The following CYTH4 variants were observed in gnomAD, a reference collection of about 807,000 sequenced individuals.
CYTH4 encodes the protein cytohesin 4.
In CYTH4, 22 loss-of-function variants were observed where a neutral mutation model predicts 57.5. The observed-to-expected ratio is 0.38, with a 90% CI of 0.27 to 0.55. The LOEUF is 0.55. Among genes scored for constraint, CYTH4 ranks in the 20% least tolerant of loss-of-function variants. CYTH4 has a pLI of 0.74. For missense variants in CYTH4, 420 were observed against 535.6 expected, an observed-to-expected ratio of 0.78 and a Z score of 2.13; for synonymous variants, 186 against 206.5, an observed-to-expected ratio of 0.90 and a Z score of 0.85.
chr22:37,283,545 A>C (rs6000650), intron 1 of CYTH4, among the ~76,000 whole-genome samples: 105,677 of 150,904 alleles, frequency 0.7, 37,659 homozygotes, highest in African/African-American at 0.85. Context: ...GGCCCCGCCC[A>C]CTGGGCATCC....
At chr22:37,284,841 G>T (rs1351882418) in intron 1 of CYTH4, among the ~76,000 whole-genome samples, 1 of 152,222 alleles carries the variant, frequency 6.6e-6, no homozygotes, top group Non-Finnish European at 1.5e-5. Flanking sequence ...CCGGGAAGGT[G>T]AGAGGGCCAG....
rs1928933941 is a variant in CYTH4 at position 37,295,666 on chromosome 22, G to A, written c.168-333G>A. On this transcript the variant is annotated intron_variant, in intron 3 of 12. Transcript: ENST00000248901. The surrounding 1 kb of genome is among the most constrained non-coding windows in gnomAD (Gnocchi z 4.1). Reference sequence around the variant, plus strand: ...GCCCGGCTCAGATTCGCATCCAGGAGCCTGGCTCCAGCACCTGCGTGCTCA... The same window carrying A: ...GCCCGGCTCAGATTCGCATCCAGGAACCTGGCTCCAGCACCTGCGTGCTCA... Among the ~76,000 whole-genome samples the A allele has an allele frequency of 6.6e-6, 1 of 152,208 alleles. No individual in the cohort carries two copies. The highest frequency in any genetic ancestry group is 2.4e-5 in the African/African-American group (1 of 41,462).
intron 7 of CYTH4, among the ~76,000 whole-genome samples, chr22:37,302,883 C>A (rs533711338): frequency 2.0e-5 from 3 of 152,068 alleles, no homozygotes; most frequent in South Asian, 2.1e-4. Flanking sequence ...CTCCGAGTTC[C>A]GAGAGGCAGA....
intron 1 of CYTH4, among the ~76,000 whole-genome samples, chr22:37,285,977 G>C (rs1928543636): frequency 6.6e-6 from 1 of 152,116 alleles, no homozygotes; most frequent in Admixed American, 6.5e-5. Context: ...TTGTCAACCA[G>C]AAGGGAGTAT....
chr22:37,308,062 C>A (rs1929465568), intron 8 of CYTH4, among the ~76,000 whole-genome samples: 1 of 152,232 alleles, frequency 6.6e-6, no homozygotes, highest in Non-Finnish European at 1.5e-5. Context: ...CCACCCCGGC[C>A]CATCCAGCAT....
chr22:37,305,215 T>A (rs2145867020), intron 8 of CYTH4, among the ~76,000 whole-genome samples: 1 of 152,290 alleles, frequency 6.6e-6, no homozygotes, highest in South Asian at 2.1e-4. Context: ...TCCTTAGCTG[T>A]TTTTCCCAAT....
At chr22:37,310,859 T>G in intron 9 of CYTH4, 129 bp from the exon 10 acceptor site, 1 of 838,414 alleles carries the variant, frequency 1.2e-6, no homozygotes, top group Non-Finnish European at 1.9e-6. Flanking sequence ...GGGGGAGGTG[T>G]GGTGGACGAA....
At chr22:37,296,145 C>T (rs977425674) in intron 4 of CYTH4, 80 bp downstream of exon 4, 24 of 1,381,158 alleles carry the variant, frequency 1.7e-5, no homozygotes, top group East Asian at 2.5e-5. Context: ...TCGCTCCCCT[C>T]GGCTGACACG....
chr22:37,304,392 C>A, intron 8 of CYTH4: 2 of 403,040 alleles, frequency 5.0e-6, no homozygotes, highest in South Asian at 1.7e-5. Context: ...CCACAGGGAG[C>A]CAGGGGGTAT....
intron 4 of CYTH4, 122 bp downstream of exon 4, chr22:37,296,187 C>A (rs1225046022): frequency 1.9e-6 from 2 of 1,053,448 alleles, no homozygotes; most frequent in South Asian, 1.6e-5. Flanking sequence ...CTGTGCCCAG[C>A]AGAGCTGAGC....
chr22:37,292,507 C>T, intron 1 of CYTH4, 114 bp from the exon 2 acceptor site: 1 of 1,029,956 alleles, frequency 9.7e-7, no homozygotes, highest in Non-Finnish European at 1.5e-6. Flanking sequence ...GGAGGTGGGC[C>T]TCTGTGAATA....
chr22:37,310,512 C>T (rs79230873), intron 9 of CYTH4, among the ~76,000 whole-genome samples: 1 of 152,244 alleles, frequency 6.6e-6, no homozygotes, highest in Admixed American at 6.5e-5. Flanking sequence ...GGCGATTTTA[C>T]CTCTCCATGA....
Position 37,312,028 on chromosome 22 carries a change from G to A in CYTH4, c.966G>A (p.Leu322=), listed in dbSNP as rs1929660956. Residue 322 remains leucine, a synonymous_variant, in exon 12 of 13, where the codon CTG becomes CTA. Transcript: ENST00000248901. ...KVDDPKKPFC[L]ELYNPSCRGQ... The stretch of plus-strand genomic sequence containing the variant: ...TGGCCACCTCCCCACAGTTCTGCCT[G>A]GAGCTCTACAACCCTAGCTGCCGAG... 2 of 1,613,904 alleles carry A rather than the reference G, an allele frequency of 1.2e-6. No homozygotes were observed. Among genetic ancestry groups the A allele is most frequent in the Admixed American group, 1.7e-5 (1 of 60,014 alleles).
chr22:37,299,110 A>G (rs1171002816), intron 5 of CYTH4, 116 bp from the exon 6 acceptor site: 7 of 730,890 alleles, frequency 9.6e-6, no homozygotes, highest in Non-Finnish European at 1.5e-5. Flanking sequence ...TGGCAGCTGG[A>G]CCCCAGAAGG....
Position 37,309,241 on chromosome 22 carries a change from A to G in CYTH4, c.726A>G (p.Pro242=). 6.2e-7 allele frequency: 1 copy of G among 1,614,084 alleles called. No individual in the cohort carries two copies. Among genetic ancestry groups the G allele is most frequent in the South Asian group, 1.1e-5 (1 of 91,076 alleles). The change falls in exon 9 of 13, where the codon CCA becomes CCG. Residue 242 remains proline (P), a synonymous_variant. Coordinates refer to ENST00000248901, the MANE Select transcript of CYTH4 (RefSeq NM_013385.5). ...RNLFDSIKSE[P]FSIPEDDGND... is the part of the protein sequence containing the mutation. The stretch of plus-strand genomic sequence containing the variant: ...TCTTCGACAGCATCAAGAGTGAGCC[A>G]TTCTCCATCCCTGAGGACGACGGCA...
chr22:37,296,473 T>C (rs1461711971), intron 4 of CYTH4: 2 of 192,460 alleles, frequency 1.0e-5, no homozygotes, highest in South Asian at 7.9e-5. Context: ...ACCCCTCTGC[T>C]AGTAGGAGCA....
Position 37,292,604 on chromosome 22 carries a change from C to G in CYTH4, c.20-17C>G. ...GCTGGAGCCAAGTGATGGGGAAGGC[C>G]GGTTGTCTCTCTGTAGAGCCCGCGG... On this transcript the variant is annotated splice_polypyrimidine_tract_variant and intron_variant, in intron 1 of 12. Transcript: ENST00000248901. 6.2e-7 allele frequency: 1 copy of G among 1,612,732 alleles called. No individual in the cohort carries two copies. The highest frequency in any genetic ancestry group is 8.5e-7 in the Non-Finnish European group (1 of 1,179,212).
rs1049485907 is a variant in CYTH4 at position 37,298,613 on chromosome 22, G to C, written c.354-613G>C. On this transcript the variant is annotated intron_variant, in intron 5 of 12. Transcript: ENST00000248901. This position sits in a 1 kb window ranked among gnomAD's most constrained non-coding sequence, Gnocchi z 4.1. ...AGGCTCAAGAATCTAGACTGGACGG[G>C]AGGAGAGAGGAAGGATATTGTGGGC... Among the ~76,000 whole-genome samples the C allele has an allele frequency of 2.0e-5, 3 of 152,150 alleles. No homozygotes were observed. The highest frequency in any genetic ancestry group is 4.4e-5 in the Non-Finnish European group (3 of 68,020).
chr22:37,292,387 G>A (rs144933499), intron 1 of CYTH4: 112 of 521,638 alleles, frequency 2.1e-4, no homozygotes, highest in African/African-American at 2.1e-3. Context: ...CAAGGAAACA[G>A]GATCCTTTTG....
Sources: gnomAD v4.1 joint callset for allele counts (sites outside exome capture counted in the v4.1 genomes callset) on GRCh38, gnomAD v4.1.1 for gene constraint, Gnocchi (gnomAD v3.1) non-coding constraint, MANE v1.5 for transcripts, NCBI Gene and HGNC (gene_info 2026-07-23, HGNC 2026-07-21) for gene names.